Variants in PLXNA4 observed in about 807,000 individuals in gnomAD.
PLXNA4 encodes plexin-A4.
In PLXNA4, 44 loss-of-function variants were observed where a neutral mutation model predicts 191.8. That is an observed-to-expected ratio of 0.23 (90% CI 0.18 to 0.29). The LOEUF (loss-of-function observed/expected upper bound fraction) is 0.29. PLXNA4 is among the 10% of genes least tolerant of loss of function. The pLI is 1.00. For missense variants in PLXNA4, 1,800 were observed against 2,488.8 expected, an observed-to-expected ratio of 0.72 and a Z score of 5.89; for synonymous variants, 1,082 against 1,009.5, an observed-to-expected ratio of 1.07 and a Z score of -1.36.
intron 4 of PLXNA4, among the ~76,000 whole-genome samples, chr7:132,245,560 G>A (rs985030775): frequency 1.3e-5 from 2 of 152,176 alleles, no homozygotes; most frequent in African/African-American, 2.4e-5. Context: ...ATTACTATAC[G>A]ATCTGGCAGT....
rs79723208 is a variant in PLXNA4, at chr7:132,434,008, C to T, written c.1371+55284G>A. ...CCCATCAATGAAAGCATGTTCAGCACCTACTAGGTGCCATTACTATGCAAC... is the reference window on the plus strand; with the variant it reads ...CCCATCAATGAAAGCATGTTCAGCATCTACTAGGTGCCATTACTATGCAAC... On this transcript the variant is annotated intron_variant, in intron 3 of 31. Transcript: ENST00000321063. Among the ~76,000 whole-genome samples the T allele has an allele frequency of 9.1e-3, 1,383 of 152,328 alleles. 35 individuals carry two copies. Among genetic ancestry groups the T allele is most frequent in the African/African-American group, 0.031 (1,309 of 41,562 alleles).
At chr7:132,351,727 C>T (rs938945286) in intron 3 of PLXNA4, among the ~76,000 whole-genome samples, 2 of 152,146 alleles carry the variant, frequency 1.3e-5, no homozygotes, top group Non-Finnish European at 2.9e-5. Context: ...AGAGTCCCTG[C>T]CACATCCCAG....
At chr7:132,464,151 G>C (rs1036138528) in intron 3 of PLXNA4, among the ~76,000 whole-genome samples, 30 of 152,200 alleles carry the variant, frequency 2.0e-4, no homozygotes, top group Admixed American at 2.0e-3. Flanking sequence ...GATAAAAATA[G>C]CAATACACGT....
intron 4 of PLXNA4, among the ~76,000 whole-genome samples, chr7:132,272,656 T>C (rs1800121108): frequency 6.6e-6 from 1 of 152,226 alleles, no homozygotes; most frequent in South Asian, 2.1e-4. Context: ...TGCCCAACTC[T>C]TCAGTCTTCA....
chr7:132,492,602 G>A (rs1304853387), intron 2 of PLXNA4, among the ~76,000 whole-genome samples: 1 of 152,162 alleles, frequency 6.6e-6, no homozygotes, highest in Non-Finnish European at 1.5e-5. Flanking sequence ...TGATTGCTGA[G>A]GTCCCCAGCT....
At chr7:132,161,489 G>A (rs144940304) in intron 24 of PLXNA4, among the ~76,000 whole-genome samples, 2 of 152,326 alleles carry the variant, frequency 1.3e-5, no homozygotes, top group South Asian at 2.1e-4. Flanking sequence ...CCTCTCAAAC[G>A]CTAATGTGAA....
chr7:132,647,147 A>C (rs1160243588), intron 1 of PLXNA4, among the ~76,000 whole-genome samples: 1 of 151,788 alleles, frequency 6.6e-6, no homozygotes, highest in East Asian at 1.9e-4. Context: ...ACACACATGC[A>C]GTCACACATA....
At chr7:132,530,495 T>G (rs1799580815) in intron 1 of PLXNA4, among the ~76,000 whole-genome samples, 1 of 152,218 alleles carries the variant, frequency 6.6e-6, no homozygotes. Context: ...CAATCTGCAT[T>G]TCATTAGCCA....
intron 4 of PLXNA4, among the ~76,000 whole-genome samples, chr7:132,256,255 G>T (rs959839246): frequency 1.3e-5 from 2 of 152,238 alleles, no homozygotes. Flanking sequence ...AAACAAACCT[G>T]CAGGATACAG....
chr7:132,615,450 C>A (rs138026244), intron 2 of PLXNA4, among the ~76,000 whole-genome samples: 73 of 152,224 alleles, frequency 4.8e-4, no homozygotes, highest in African/African-American at 1.6e-3. Context: ...GCAGGCGGCC[C>A]GCAGTGCCCG....
At chr7:132,405,468 A>T (rs936858502) in intron 3 of PLXNA4, among the ~76,000 whole-genome samples, 1 of 152,120 alleles carries the variant, frequency 6.6e-6, no homozygotes, top group Non-Finnish European at 1.5e-5. Flanking sequence ...GGTCTTCAAG[A>T]AAAACAGTCA....
chr7:132,139,050 C>T (rs1437429753), intron 30 of PLXNA4, among the ~76,000 whole-genome samples: 1 of 152,172 alleles, frequency 6.6e-6, no homozygotes, highest in Non-Finnish European at 1.5e-5. Context: ...CCTGGCAGCT[C>T]TATTGTTGGG....
At chr7:132,474,095 G>A (rs763296091) in intron 3 of PLXNA4, among the ~76,000 whole-genome samples, 11 of 151,864 alleles carry the variant, frequency 7.2e-5, no homozygotes, top group Non-Finnish European at 1.6e-4. Context: ...TAAACACCTA[G>A]AAGGCGGCAT....
In PLXNA4 at chr7:132,130,510, T is replaced by C; in HGVS notation, c.5654A>G (p.Gln1885Arg). Residue 1885 changes from glutamine to arginine, a missense_variant, in exon 32 of 32, where the codon CAA becomes CGA. Physicochemically the swap from Gln to Arg is conservative, Grantham distance 43. Transcript: ENST00000321063. The stretch of plus-strand genomic sequence containing the variant: ...GTCTAAGCTCATGAGGGTTATGACT[T>C]GTTCTAGTTTGTAGGCCAGTTTCTG... ...GKQKLAYKLE[Q>R]VITLMSLDS 6.2e-7 allele frequency: 1 copy of C among 1,614,212 alleles called. No homozygotes were observed.
chr7:132,542,376 T>C (rs1800122533), intron 1 of PLXNA4, among the ~76,000 whole-genome samples: 1 of 152,174 alleles, frequency 6.6e-6, no homozygotes, highest in Non-Finnish European at 1.5e-5. Flanking sequence ...GGGGGAATAG[T>C]ATAGGCCAAG....
intron 3 of PLXNA4, among the ~76,000 whole-genome samples, chr7:132,460,163 A>T (rs1304803633): frequency 6.6e-6 from 1 of 152,008 alleles, no homozygotes; most frequent in African/African-American, 2.4e-5. Context: ...AGACCAGCCT[A>T]GGCAATATAA....
intron 3 of PLXNA4, among the ~76,000 whole-genome samples, chr7:132,378,261 T>A (rs771043129): frequency 2.6e-5 from 4 of 152,156 alleles, no homozygotes; most frequent in Non-Finnish European, 5.9e-5. Flanking sequence ...TCTCAAGTCG[T>A]GGAAATAGTG....
At chr7:132,182,285 T>C in intron 16 of PLXNA4, 95 bp from the exon 17 acceptor site, 1 of 1,537,418 alleles carries the variant, frequency 6.5e-7, no homozygotes, top group South Asian at 1.3e-5. Context: ...ATAAGGACAG[T>C]GATAACTAGG....
intron 4 of PLXNA4, among the ~76,000 whole-genome samples, chr7:132,283,024 C>A (rs575112065): frequency 6.6e-6 from 1 of 151,888 alleles, no homozygotes; most frequent in Non-Finnish European, 1.5e-5. Context: ...GACCTACAGG[C>A]GCTCACCACC....
Sources: allele counts gnomAD v4.1 joint callset (sites outside exome capture counted in the v4.1 genomes callset), GRCh38; gene constraint gnomAD v4.1.1; transcripts MANE v1.5; gene names NCBI Gene and HGNC (gene_info 2026-07-23, HGNC 2026-07-21).